Variants in FANK1 observed in about 807,000 individuals in gnomAD.
FANK1 encodes the protein fibronectin type 3 and ankyrin repeat domains protein 1.
FANK1 carries 44 observed loss-of-function variants against 45.3 expected under a neutral mutation model. The observed-to-expected ratio is 0.97, with a 90% CI of 0.76 to 1.25. The LOEUF (loss-of-function observed/expected upper bound fraction) is 1.25. FANK1 is among the 50% of genes most tolerant of loss of function. The pLI, the probability that FANK1 is intolerant of heterozygous loss-of-function variation, is 0.00. For synonymous variants in FANK1, 149 were observed against 152.5 expected (o/e 0.98, Z 0.17); for missense variants, 391 against 424.4 (o/e 0.92, Z 0.69).
In FANK1 at chr10:126,004,985, T is replaced by C. The variant is rs778619963; in HGVS notation, c.641T>C (p.Leu214Pro). ...AGAGACCTGGGAGGCTGTACAGCTC[T>C]GCACTGGGCTGCAGATGGAGGCCAC... Reference protein sequence around the residue: ...QARDLGGCTALHWAADGGHCS... With the variant: ...QARDLGGCTAPHWAADGGHCS... Residue 214 changes from leucine to proline, a missense_variant, in exon 7 of 11, where the codon CTG becomes CCG. Transcript: ENST00000368693. 6.2e-7 allele frequency: 1 copy of C among 1,614,206 alleles called. No homozygotes were observed. Among genetic ancestry groups the C allele is most frequent in the Non-Finnish European group, 8.5e-7 (1 of 1,180,044 alleles).
chr10:125,914,280 C>CATATATATATATATAT (rs572373307), intron 1 of FANK1, among the ~76,000 whole-genome samples: 11,478 of 139,954 alleles, frequency 0.082, 684 homozygotes, highest in South Asian at 0.19. Context: ...CTTTGTATGC[C>CATATATATATATATAT]ATATATATAT....
chr10:125,989,441 C>A, intron 3 of FANK1: 1 of 1,346,246 alleles, frequency 7.4e-7, no homozygotes, highest in Non-Finnish European at 1.0e-6. Flanking sequence ...TAGCATTTGG[C>A]TTGGAGGTAT....
At chr10:125,928,542 A>C (rs1035211806) in intron 1 of FANK1, among the ~76,000 whole-genome samples, 2 of 152,202 alleles carry the variant, frequency 1.3e-5, no homozygotes, top group Non-Finnish European at 2.9e-5. Flanking sequence ...AGTAGGTCTC[A>C]GCCTTTTTTC....
At chr10:125,911,476 G>T (rs191026691) in intron 1 of FANK1, among the ~76,000 whole-genome samples, 71 of 152,350 alleles carry the variant, frequency 4.7e-4, no homozygotes, top group African/African-American at 1.7e-3. Context: ...AAACTTAGAA[G>T]AGCTGTTTTT....
At chr10:125,966,840 GT>G (rs955537095) in intron 1 of FANK1, among the ~76,000 whole-genome samples, 3 of 152,170 alleles carry the variant, frequency 2.0e-5, no homozygotes, top group South Asian at 4.2e-4. Flanking sequence ...GTTACATTTT[GT>G]TTTTTCCCCC....
intron 1 of FANK1, among the ~76,000 whole-genome samples, chr10:125,966,195 T>C (rs539995995): frequency 2.0e-5 from 3 of 152,338 alleles, no homozygotes; most frequent in Non-Finnish European, 2.9e-5. Flanking sequence ...AAAGCAACTT[T>C]TGGGCAGTTT....
intron 1 of FANK1, among the ~76,000 whole-genome samples, chr10:125,909,696 T>A (rs796189469): frequency 6.7e-6 from 1 of 148,580 alleles, no homozygotes; most frequent in Non-Finnish European, 1.5e-5. Context: ...CTTTTTTTTT[T>A]TTTTTTTTTT....
At chr10:125,898,316 C>T (rs907244861) in intron 1 of FANK1, among the ~76,000 whole-genome samples, 1 of 152,142 alleles carries the variant, frequency 6.6e-6, no homozygotes, top group African/African-American at 2.4e-5. Context: ...TGTTGCAGCT[C>T]TGTTCTAGGG....
intron 1 of FANK1, among the ~76,000 whole-genome samples, chr10:125,965,202 G>A (rs1950140933): frequency 6.6e-6 from 1 of 152,130 alleles, no homozygotes; most frequent in South Asian, 2.1e-4. Context: ...AATGCAAAAT[G>A]TCATCATTGT....
At chr10:125,945,586 G>A (rs1350257409) in intron 1 of FANK1, among the ~76,000 whole-genome samples, 3 of 152,220 alleles carry the variant, frequency 2.0e-5, no homozygotes, top group African/African-American at 7.2e-5. Context: ...CCCACACCTG[G>A]CTGGGAGGGT....
At chr10:125,978,566 C>CG (rs1250640683) in intron 1 of FANK1, among the ~76,000 whole-genome samples, 1 of 152,106 alleles carries the variant, frequency 6.6e-6, no homozygotes, top group Non-Finnish European at 1.5e-5. Flanking sequence ...AGTGAGGGAA[C>CG]GGGATAGGTA....
chr10:125,914,537 G>T (rs1438792627), intron 1 of FANK1, among the ~76,000 whole-genome samples: 3 of 152,074 alleles, frequency 2.0e-5, no homozygotes, highest in Non-Finnish European at 4.4e-5. Context: ...TTGGTCCAAA[G>T]CAATGTTTGT....
chr10:125,935,238 G>T (rs541123822), intron 1 of FANK1, among the ~76,000 whole-genome samples: 1 of 152,252 alleles, frequency 6.6e-6, no homozygotes, highest in Admixed American at 6.5e-5. Context: ...TTGTAACTGG[G>T]GATTATCTGA....
At chr10:125,980,727 C>T (rs117677818) in intron 2 of FANK1, 188 of 184,810 alleles carry the variant, frequency 1.0e-3, no homozygotes, top group Non-Finnish European at 1.7e-3. Flanking sequence ...ACCATTGTCC[C>T]CTTGTCAACT....
intron 1 of FANK1, among the ~76,000 whole-genome samples, chr10:125,906,063 C>G (rs544107437): frequency 3.3e-5 from 5 of 152,422 alleles, no homozygotes; most frequent in African/African-American, 1.2e-4. Flanking sequence ...TCCTGTGTAT[C>G]CCACAAAGAC....
At chr10:125,967,774 CT>C (rs1564922909) in intron 1 of FANK1, among the ~76,000 whole-genome samples, 1 of 152,048 alleles carries the variant, frequency 6.6e-6, no homozygotes, top group African/African-American at 2.4e-5. Flanking sequence ...CAGACAGAAA[CT>C]TTTTTCATAA....
At chr10:125,914,930 G>A (rs1215544772) in intron 1 of FANK1, among the ~76,000 whole-genome samples, 1 of 152,184 alleles carries the variant, frequency 6.6e-6, no homozygotes, top group Non-Finnish European at 1.5e-5. Context: ...GGCCCCATCT[G>A]ATCTGAGAGT....
At chr10:125,916,671 T>TTTTC (rs1946473720) in intron 1 of FANK1, among the ~76,000 whole-genome samples, 1 of 152,204 alleles carries the variant, frequency 6.6e-6, no homozygotes, top group South Asian at 2.1e-4. Flanking sequence ...TGACACATGC[T>TTTTC]ACACCATGGA....
At chr10:125,962,985 TG>T (rs1473002887) in intron 1 of FANK1, among the ~76,000 whole-genome samples, 118 of 139,690 alleles carry the variant, frequency 8.4e-4, no homozygotes, top group African/African-American at 2.9e-3. Context: ...ATTATTACTG[TG>T]GTTTTTTTTT....
Sources: gnomAD v4.1 joint callset for allele counts (sites outside exome capture counted in the v4.1 genomes callset) on GRCh38, gnomAD v4.1.1 for gene constraint, MANE v1.5 for transcripts, NCBI Gene and HGNC (gene_info 2026-07-23, HGNC 2026-07-21) for gene names.